FOXP2: variants seen among roughly 807,000 people sequenced by gnomAD.
FOXP2 encodes forkhead box protein P2.
Under a neutral mutation model 115.8 loss-of-function variants are expected in FOXP2, and 12 were observed. The observed-to-expected ratio is 0.10, with a 90% CI of 0.07 to 0.17. FOXP2 has a LOEUF of 0.17. Among genes scored for constraint, FOXP2 ranks in the 10% least tolerant of loss-of-function variants. The pLI, the probability that FOXP2 is intolerant of heterozygous loss-of-function variation, is 1.00. For missense variants in FOXP2, 629 were observed against 843.5 expected, an observed-to-expected ratio of 0.75 and a Z score of 3.15; for synonymous variants, 328 against 297.7, an observed-to-expected ratio of 1.10 and a Z score of -1.05.
At chr7:114,152,595 A>C (rs983079978) in intron 1 of FOXP2, among the ~76,000 whole-genome samples, 1 of 152,188 alleles carries the variant, frequency 6.6e-6, no homozygotes, top group East Asian at 1.9e-4. Flanking sequence ...GTTGTAAATA[A>C]GTCTGGAACA....
At chr7:114,086,687 C>A, upstream of FOXP2, 1 of 265,906 alleles carries the variant, frequency 3.8e-6, no homozygotes, top group Non-Finnish European at 7.5e-6. Flanking sequence ...CACGCTGGGC[C>A]GAGCTGCGAC....
chr7:114,508,208 C>G (rs377652443), intron 2 of FOXP2, among the ~76,000 whole-genome samples: 81 of 151,852 alleles, frequency 5.3e-4, no homozygotes, highest in Middle Eastern at 3.4e-3. Flanking sequence ...CAGGAGACTA[C>G]AGTGAAAGTG....
intron 1 of FOXP2, among the ~76,000 whole-genome samples, chr7:114,269,570 C>A (rs919253506): frequency 6.6e-6 from 1 of 152,048 alleles, no homozygotes; most frequent in Non-Finnish European, 1.5e-5. Flanking sequence ...TGATTAGAAG[C>A]GTGAGCCACT....
intron 2 of FOXP2, among the ~76,000 whole-genome samples, chr7:114,401,140 T>A (rs550099685): frequency 6.6e-6 from 1 of 152,186 alleles, no homozygotes; most frequent in South Asian, 2.1e-4. Flanking sequence ...AGGGTTCTTT[T>A]GATAAAACGG....
At chr7:114,487,140 C>A (rs1796824629) in intron 2 of FOXP2, among the ~76,000 whole-genome samples, 1 of 152,208 alleles carries the variant, frequency 6.6e-6, no homozygotes, top group Non-Finnish European at 1.5e-5. Flanking sequence ...GCCTGGACAT[C>A]CAGAAATTTG....
intron 1 of FOXP2, among the ~76,000 whole-genome samples, chr7:114,258,153 G>A (rs1450287255): frequency 6.6e-6 from 1 of 152,148 alleles, no homozygotes; most frequent in African/African-American, 2.4e-5. Context: ...AGGAAGCTGT[G>A]GCAATAATAC....
chr7:114,628,404 T>C, intron 3 of FOXP2, 136 bp from the exon 4 acceptor site: 2 of 1,151,246 alleles, frequency 1.7e-6, no homozygotes, highest in Non-Finnish European at 2.5e-6. Context: ...AAAGAAGTTA[T>C]AGTAAAATGT....
At chr7:114,353,334 CTT>C (rs138925770) in intron 2 of FOXP2, among the ~76,000 whole-genome samples, 2,549 of 63,794 alleles carry the variant, frequency 0.04, 31 homozygotes, top group Middle Eastern at 0.1. Flanking sequence ...ATAGGAGCCT[CTT>C]TTTTTTTTTT....
chr7:114,379,173 C>G (rs1470947486), intron 2 of FOXP2, among the ~76,000 whole-genome samples: 2 of 152,202 alleles, frequency 1.3e-5, no homozygotes, highest in Non-Finnish European at 2.9e-5. Context: ...GTTGCTGTTG[C>G]TGGCTCGAAT....
At chr7:114,465,424 A>C (rs1795759736) in intron 2 of FOXP2, among the ~76,000 whole-genome samples, 1 of 152,232 alleles carries the variant, frequency 6.6e-6, no homozygotes, top group Non-Finnish European at 1.5e-5. Flanking sequence ...AAGATAGTGA[A>C]TAGGATGCAT....
intron 2 of FOXP2, among the ~76,000 whole-genome samples, chr7:114,435,842 A>G (rs1794320355): frequency 6.6e-6 from 1 of 152,154 alleles, no homozygotes; most frequent in Non-Finnish European, 1.5e-5. Flanking sequence ...CCCGGCTGTC[A>G]GAAGTTTTGA....
intron 2 of FOXP2, among the ~76,000 whole-genome samples, chr7:114,477,633 G>A (rs1269008158): frequency 6.6e-6 from 1 of 151,522 alleles, no homozygotes; most frequent in African/African-American, 2.4e-5. Context: ...TGTACCCCCT[G>A]TATCTAATGT....
intron 2 of FOXP2, among the ~76,000 whole-genome samples, chr7:114,357,658 T>G (rs1363782550): frequency 6.6e-6 from 1 of 152,160 alleles, no homozygotes; most frequent in Non-Finnish European, 1.5e-5. Flanking sequence ...CCTTCATCAC[T>G]CTCAGTGAGC....
chr7:114,469,938 C>T (rs1204181837), intron 2 of FOXP2, among the ~76,000 whole-genome samples: 1 of 152,112 alleles, frequency 6.6e-6, no homozygotes, highest in Non-Finnish European at 1.5e-5. Flanking sequence ...GTTATTATCA[C>T]ATCATACTTA....
intron 6 of FOXP2, among the ~76,000 whole-genome samples, chr7:114,641,070 A>G (rs184120498): frequency 4.1e-4 from 63 of 152,346 alleles, no homozygotes; most frequent in African/African-American, 1.4e-3. Flanking sequence ...AATAGCAAAT[A>G]TACTCAAGCC....
chr7:114,580,299 C>T (rs138726526), intron 3 of FOXP2, among the ~76,000 whole-genome samples: 4 of 152,260 alleles, frequency 2.6e-5, no homozygotes, highest in South Asian at 2.1e-4. Context: ...GAAAGAAGGA[C>T]GGGCACGGTG....
At chr7:114,651,420 T>C (rs1454574549) in intron 8 of FOXP2, among the ~76,000 whole-genome samples, 1 of 152,126 alleles carries the variant, frequency 6.6e-6, no homozygotes, top group East Asian at 1.9e-4. Flanking sequence ...AATGTTTTCA[T>C]GTTCATTGGA....
intron 1 of FOXP2, among the ~76,000 whole-genome samples, chr7:114,272,477 T>C (rs772160648): frequency 5.9e-5 from 9 of 151,892 alleles, no homozygotes; most frequent in Non-Finnish European, 1.2e-4. Context: ...CTTAAAAGTT[T>C]GGTAGAATTC....
chr7:114,264,639 A>G (rs1795850687), intron 1 of FOXP2, among the ~76,000 whole-genome samples: 1 of 152,252 alleles, frequency 6.6e-6, no homozygotes, highest in Non-Finnish European at 1.5e-5. Flanking sequence ...GGGGTGTGTT[A>G]GGCTGTTTTT....
Sources: allele counts gnomAD v4.1 joint callset (sites outside exome capture counted in the v4.1 genomes callset), GRCh38; gene constraint gnomAD v4.1.1; transcripts MANE v1.5; gene names NCBI Gene and HGNC (gene_info 2026-07-23, HGNC 2026-07-21).